CFAP299: variants seen among roughly 807,000 people sequenced by gnomAD.
CFAP299 encodes cilia- and flagella-associated protein 299.
In CFAP299, 21 loss-of-function variants were observed where a neutral mutation model predicts 27.0. That is an observed-to-expected ratio of 0.78 (90% confidence interval 0.55 to 1.12). CFAP299 has a LOEUF of 1.12. Among genes scored for constraint, CFAP299 ranks in the 50% most tolerant of loss-of-function variants. CFAP299 has a pLI of 0.00. For missense variants in CFAP299, 310 were observed against 276.6 expected (o/e 1.12, Z -0.86); for synonymous variants, 104 against 98.1 (o/e 1.06, Z -0.36).
chr4:80,948,961 C>CA (rs1219072051), intron 5 of CFAP299, among the ~76,000 whole-genome samples: 3 of 152,000 alleles, frequency 2.0e-5, no homozygotes, highest in African/African-American at 4.8e-5. Context: ...AAATAAGTCA[C>CA]AAAAAATGCA....
Position 80,591,398 on chromosome 4 carries a change from A to G in CFAP299, c.333+8215A>G, listed in dbSNP as rs560610649. Reference sequence around the variant, plus strand: ...TCGGCCTAGGAAATTTTTTAAATGAACAATTATTGGTGAATTTATTATATC... The same window carrying G: ...TCGGCCTAGGAAATTTTTTAAATGAGCAATTATTGGTGAATTTATTATATC... On this transcript the variant is annotated intron_variant, in intron 3 of 5. Coordinates refer to ENST00000358105, the MANE Select transcript of CFAP299 (RefSeq NM_152770.3). 7.2e-5 allele frequency among the ~76,000 whole-genome samples: 11 copies of G among 152,294 alleles called. No individual in the cohort carries two copies. In the South Asian group the frequency reaches 2.1e-3, roughly 29 times the overall value.
chr4:80,401,529 G>A (rs982162305), intron 2 of CFAP299, among the ~76,000 whole-genome samples: 8 of 152,314 alleles, frequency 5.3e-5, no homozygotes, highest in African/African-American at 1.9e-4. Flanking sequence ...GAGCCTGTGG[G>A]TATACAGAAG....
chr4:80,739,540 A>C (rs1368333386), intron 3 of CFAP299, among the ~76,000 whole-genome samples: 1 of 152,054 alleles, frequency 6.6e-6, no homozygotes, highest in Non-Finnish European at 1.5e-5. Context: ...TTCCACTGAA[A>C]AGTGTGCTGC....
chr4:80,451,423 A>T (rs1728897947), intron 2 of CFAP299, among the ~76,000 whole-genome samples: 3 of 152,200 alleles, frequency 2.0e-5, no homozygotes, highest in Non-Finnish European at 2.9e-5. Context: ...TTTTGAGAGG[A>T]CAGAATTCAG....
At chr4:80,692,798 C>G (rs970580207) in intron 3 of CFAP299, among the ~76,000 whole-genome samples, 1 of 152,194 alleles carries the variant, frequency 6.6e-6, no homozygotes, top group Admixed American at 6.5e-5. Context: ...ACCTACTCAT[C>G]TGACAAAGGG....
intron 2 of CFAP299, among the ~76,000 whole-genome samples, chr4:80,380,305 T>C (rs1332787389): frequency 6.6e-6 from 1 of 151,904 alleles, no homozygotes; most frequent in Non-Finnish European, 1.5e-5. Flanking sequence ...GAGAAAACTA[T>C]ATAGACAAAA....
chr4:80,350,445 A>C (rs1309127341), intron 1 of CFAP299, among the ~76,000 whole-genome samples: 4 of 152,232 alleles, frequency 2.6e-5, no homozygotes, highest in African/African-American at 7.2e-5. Flanking sequence ...TATATACCCA[A>C]AGGATTATAA....
At chr4:80,329,951 G>A in the CFAP299 span, among the ~76,000 whole-genome samples, 1 of 151,960 alleles carries the variant, frequency 6.6e-6, no homozygotes, top group African/African-American at 2.4e-5. Context: ...TTTCTTCTAA[G>A]GTTTTATCTG....
At chr4:80,344,281 G>T (rs1487378802) in intron 1 of CFAP299, among the ~76,000 whole-genome samples, 1 of 151,642 alleles carries the variant, frequency 6.6e-6, no homozygotes, top group Admixed American at 6.6e-5. Context: ...GAGAGAGAGA[G>T]AGAATCAAAT....
At chr4:80,401,627 G>T (rs914446140) in intron 2 of CFAP299, among the ~76,000 whole-genome samples, 1 of 152,222 alleles carries the variant, frequency 6.6e-6, no homozygotes, top group African/African-American at 2.4e-5. Context: ...TGCTGCAGGG[G>T]CAGGGCCTTC....
chr4:80,354,845 C>A (rs1723186177), intron 1 of CFAP299, among the ~76,000 whole-genome samples: 1 of 152,132 alleles, frequency 6.6e-6, no homozygotes, highest in African/African-American at 2.4e-5. Context: ...CTGCAAAGGA[C>A]ATGATCTTAC....
intron 2 of CFAP299, among the ~76,000 whole-genome samples, chr4:80,384,123 T>C (rs1442122781): frequency 6.6e-6 from 1 of 152,138 alleles, no homozygotes; most frequent in Admixed American, 6.5e-5. Flanking sequence ...ATTTTTTATA[T>C]CTTCCTTTAT....
intron 2 of CFAP299, among the ~76,000 whole-genome samples, chr4:80,406,863 T>C (rs1495483): frequency 0.93 from 142,025 of 152,218 alleles, 66,952 homozygotes; most frequent in East Asian, 1. Context: ...ATCTCCATTA[T>C]ATAGGTGATA....
At chr4:80,957,950 A>G (rs546545784) in intron 5 of CFAP299, among the ~76,000 whole-genome samples, 1 of 152,302 alleles carries the variant, frequency 6.6e-6, no homozygotes, top group South Asian at 2.1e-4. Context: ...TTAAGTTTGC[A>G]TTGTAAATTC....
intron 2 of CFAP299, among the ~76,000 whole-genome samples, chr4:80,495,474 A>C (rs1731388233): frequency 6.6e-6 from 1 of 152,160 alleles, no homozygotes; most frequent in South Asian, 2.1e-4. Context: ...TTTTCTACTT[A>C]ATTTATTTTA....
chr4:80,625,862 A>G (rs1738866487), intron 3 of CFAP299, among the ~76,000 whole-genome samples: 1 of 152,014 alleles, frequency 6.6e-6, no homozygotes, highest in African/African-American at 2.4e-5. Context: ...TACGTACCCA[A>G]TATCCAAGCT....
At chr4:80,870,641 C>A (rs1327558978) in intron 4 of CFAP299, 1 of 985,620 alleles carries the variant, frequency 1.0e-6, no homozygotes, top group Non-Finnish European at 1.2e-6. Context: ...TTATCTATCA[C>A]CTAGCATCTA....
chr4:80,728,703 C>T (rs2110052894), intron 3 of CFAP299, among the ~76,000 whole-genome samples: 1 of 152,260 alleles, frequency 6.6e-6, no homozygotes, highest in African/African-American at 2.4e-5. Context: ...GTCTTTCCTG[C>T]CTCTATCTTA....
chr4:80,778,398 C>G (rs1392087530), intron 3 of CFAP299, among the ~76,000 whole-genome samples: 1 of 152,124 alleles, frequency 6.6e-6, no homozygotes, highest in South Asian at 2.1e-4. Flanking sequence ...GGGCTGCACC[C>G]TTTGTTGATC....
Sources: allele counts gnomAD v4.1 joint callset (sites outside exome capture counted in the v4.1 genomes callset), GRCh38; gene constraint gnomAD v4.1.1; transcripts MANE v1.5; gene names NCBI Gene and HGNC (gene_info 2026-07-23, HGNC 2026-07-21).